Variants in RAD50 observed in about 807,000 individuals in gnomAD.
RAD50 encodes RAD50 double strand break repair protein, also known as DNA repair protein RAD50.
A neutral mutation model predicts 168.8 loss-of-function variants in RAD50; 132 were observed. The observed-to-expected ratio is 0.78, with a 90% CI of 0.68 to 0.90. The LOEUF (loss-of-function observed/expected upper bound fraction) is 0.90. RAD50 is among the 40% of genes least tolerant of loss of function. RAD50 has a pLI of 0.00. For missense variants in RAD50, 1,347 were observed against 1,534.4 expected (o/e 0.88, Z 2.04); for synonymous variants, 525 against 497.4 (o/e 1.06, Z -0.74).
At chr5:132,570,242 C>A (rs906667204) in intron 2 of RAD50, among the ~76,000 whole-genome samples, 6 of 151,860 alleles carry the variant, frequency 4.0e-5, no homozygotes, top group African/African-American at 1.5e-4. Flanking sequence ...AGTAAGGAAT[C>A]TATGAGTTTA....
chr5:132,612,259 A>G (rs1319374509), intron 19 of RAD50, among the ~76,000 whole-genome samples: 3 of 152,248 alleles, frequency 2.0e-5, no homozygotes, highest in Non-Finnish European at 4.4e-5. Flanking sequence ...ACAAAAGGTC[A>G]CATAATGTAC....
At chr5:132,595,470 G>T in intron 12 of RAD50, 103 bp from the exon 13 acceptor site, 1 of 699,928 alleles carries the variant, frequency 1.4e-6, no homozygotes. Context: ...TATTTATAAA[G>T]CAAGAATAAT....
chr5:132,617,550 T>C (rs1312444200), intron 20 of RAD50, among the ~76,000 whole-genome samples: 2 of 152,226 alleles, frequency 1.3e-5, no homozygotes, highest in African/African-American at 4.8e-5. Flanking sequence ...TTGGTCATTA[T>C]TATGGTTTTT....
At chr5:132,625,253 A>T (rs962638277) in intron 21 of RAD50, among the ~76,000 whole-genome samples, 2 of 151,254 alleles carry the variant, frequency 1.3e-5, no homozygotes, top group African/African-American at 4.9e-5. Context: ...CGCCCGGCTA[A>T]TTTTTTGTAT....
In RAD50 at chr5:132,604,579, C is replaced by G. The variant is rs115082079; in HGVS notation, c.2525-227C>G. Among the ~76,000 whole-genome samples, 550 of 152,128 alleles carry G rather than the reference C, an allele frequency of 3.6e-3. 4 individuals carry two copies. The Middle Eastern group carries it at 0.044, about 12-fold the overall frequency. On this transcript the variant is annotated intron_variant, in intron 15 of 24. Transcript: ENST00000378823. Reference sequence around the variant, plus strand: ...AGTGCGCCTGGCCATGAGCTGTATTCTTTCTCATTCATACCTGCCCTGTAA... The same window carrying G: ...AGTGCGCCTGGCCATGAGCTGTATTGTTTCTCATTCATACCTGCCCTGTAA...
At chr5:132,637,268 T>C in intron 22 of RAD50, 68 bp downstream of exon 22, 1 of 1,561,600 alleles carries the variant, frequency 6.4e-7, no homozygotes, top group South Asian at 1.1e-5. Context: ...CCTTATGACC[T>C]CTCATCATGC....
chr5:132,608,533 C>G (rs1368606985), intron 16 of RAD50, 82 bp from the exon 17 acceptor site: 1 of 1,256,330 alleles, frequency 8.0e-7, no homozygotes, highest in Non-Finnish European at 1.1e-6. Flanking sequence ...ATAGAAAGTG[C>G]TTTTATTAAG....
intron 2 of RAD50, among the ~76,000 whole-genome samples, chr5:132,562,240 T>G (rs1750135919): frequency 6.6e-6 from 1 of 152,112 alleles, no homozygotes; most frequent in Non-Finnish European, 1.5e-5. Flanking sequence ...TATTGGGAGA[T>G]TTTGAGCAGG....
intron 11 of RAD50, chr5:132,593,512 A>T (rs1025813786): frequency 2.6e-5 from 4 of 152,364 alleles, no homozygotes; most frequent in African/African-American, 9.6e-5. Context: ...ATTAAAATTT[A>T]AAAATTCTAT....
chr5:132,563,985 T>G (rs1750164965), intron 2 of RAD50, among the ~76,000 whole-genome samples: 1 of 152,234 alleles, frequency 6.6e-6, no homozygotes, highest in Non-Finnish European at 1.5e-5. Context: ...GTAAGTTTCC[T>G]GAGGCCTCCG....
intron 3 of RAD50, among the ~76,000 whole-genome samples, chr5:132,578,524 C>CTTT (rs903882684): frequency 5.0e-3 from 420 of 84,286 alleles, no homozygotes; most frequent in African/African-American, 6.3e-3. Context: ...TTTTTTCTTT[C>CTTT]TTTTTTTTTT....
At chr5:132,593,146 G>A in intron 11 of RAD50, 1 of 215,558 alleles carries the variant, frequency 4.6e-6, no homozygotes, top group Non-Finnish European at 9.9e-6. Flanking sequence ...CTGCTGATTT[G>A]TTTGGGGCAT....
rs876660169 is a variant in RAD50 at position 132,603,345 on chromosome 5, A to G, written c.2253A>G (p.Arg751=). ...AGGAGAAGGAAATACCAGAATTAAG[A>G]AACAAACTGCAGAATGTCAATAGAG... ...DLKEKEIPEL[R]NKLQNVNRDI... Residue 751 remains arginine, a synonymous_variant, in exon 14 of 25, where the codon AGA becomes AGG. Transcript: ENST00000378823. 1 of 1,613,740 alleles carries G rather than the reference A, an allele frequency of 6.2e-7. No homozygotes were observed. The highest frequency in any genetic ancestry group is 8.5e-7 in the Non-Finnish European group (1 of 1,179,760).
At chr5:132,586,917 A>G (rs1750604063) in intron 5 of RAD50, among the ~76,000 whole-genome samples, 1 of 152,194 alleles carries the variant, frequency 6.6e-6, no homozygotes, top group Non-Finnish European at 1.5e-5. Context: ...ATGTCTTAGA[A>G]GAAGAGTTGG....
At chr5:132,587,220 A>T (rs990783537) in intron 5 of RAD50, among the ~76,000 whole-genome samples, 1 of 152,198 alleles carries the variant, frequency 6.6e-6, no homozygotes, top group Admixed American at 6.5e-5. Flanking sequence ...GTCCTGACTT[A>T]AAAAAATACA....
intron 2 of RAD50, among the ~76,000 whole-genome samples, chr5:132,565,515 A>C (rs904682521): frequency 6.6e-6 from 1 of 151,810 alleles, no homozygotes; most frequent in African/African-American, 2.4e-5. Context: ...TTCTGTATAC[A>C]CTTTGACTTC....
At chr5:132,565,235 G>C (rs566527808) in intron 2 of RAD50, among the ~76,000 whole-genome samples, 48 of 152,190 alleles carry the variant, frequency 3.2e-4, no homozygotes, top group African/African-American at 1.2e-3. Flanking sequence ...TTCCTGTATA[G>C]CATGTGGAAC....
At chr5:132,562,752 T>C in intron 2 of RAD50, among the ~76,000 whole-genome samples, 1 of 152,104 alleles carries the variant, frequency 6.6e-6, no homozygotes, top group Admixed American at 6.5e-5. Context: ...AGTTAATTTT[T>C]AAAGCCTGAT....
At position 132,643,724 on chromosome 5, in the gene RAD50, G is replaced by GT. The variant is rs1581026411; in HGVS notation, c.*1361dup. The stretch of plus-strand genomic sequence containing the variant: ...AGAGTATCCTGGGGGTGGTGGTGGG[G>GT]TGGGGGGGGGTCCTAAATGTAATCA... On this transcript the variant is annotated 3_prime_UTR_variant, in exon 25 of 25. Coordinates refer to ENST00000378823, the MANE Select transcript of RAD50 (RefSeq NM_005732.4). 1 of 210,482 alleles carries GT rather than the reference G, an allele frequency of 4.8e-6. No homozygotes were observed. The highest frequency in any genetic ancestry group is 9.6e-6 in the Non-Finnish European group (1 of 104,402). The allele number at this position is 210,482 out of a possible 1,614,324, so 13.0% of individuals were successfully genotyped here.
Sources: allele counts gnomAD v4.1 joint callset (sites outside exome capture counted in the v4.1 genomes callset), GRCh38; gene constraint gnomAD v4.1.1; transcripts MANE v1.5; gene names NCBI Gene and HGNC (gene_info 2026-07-23, HGNC 2026-07-21).